ZNF320: variants seen among roughly 807,000 people sequenced by gnomAD.
ZNF320 encodes zinc finger gene 320.
A neutral mutation model predicts 6.8 loss-of-function variants in ZNF320; 2 were observed. The observed-to-expected ratio is 0.29, with a 90% CI of 0.12 to 0.93. The LOEUF (loss-of-function observed/expected upper bound fraction) is 0.93, where lower values mean the gene tolerates loss of function less well. ZNF320 is among the 40% of genes least tolerant of loss of function. ZNF320 has a pLI of 0.55. For missense variants in ZNF320, 472 were observed against 611.0 expected, an observed-to-expected ratio of 0.77 and a Z score of 2.40; for synonymous variants, 208 against 203.2, an observed-to-expected ratio of 1.02 and a Z score of -0.20.
At position 52,876,781 on chromosome 19, in the gene ZNF320, G is replaced by A. The variant is rs999061269; in HGVS notation, c.*3815C>T. The A allele has an allele frequency of 6.6e-6, 1 of 150,728 alleles. No homozygotes were observed. Among genetic ancestry groups the A allele is most frequent in the Non-Finnish European group, 1.5e-5 (1 of 67,806 alleles). The allele number at this position is 150,728 out of a possible 1,614,324, so 9.3% of individuals were successfully genotyped here. A position where few individuals can be genotyped will look rare whatever the true frequency, so the allele number is the denominator to read the frequency against. On this transcript the variant is annotated 3_prime_UTR_variant, in exon 6 of 6. Transcript: ENST00000682928. The stretch of plus-strand genomic sequence containing the variant: ...CAAAGTGCTGGGATTACAGGCATGA[G>A]CCAGAGCACCTGGTCTATTTTTTTT...
chr19:52,883,457 G>T (rs1460943007), intron 5 of ZNF320, among the ~76,000 whole-genome samples: 1 of 152,072 alleles, frequency 6.6e-6, no homozygotes, highest in East Asian at 1.9e-4. Context: ...AATTTATACT[G>T]CCTGCAGAAT....
In ZNF320 at chr19:52,881,304, T is replaced by C. The variant is rs1320559785; in HGVS notation, c.822A>G (p.Lys274=). The change falls in exon 6 of 6, where the codon AAA becomes AAG. Residue 274 remains lysine, a synonymous_variant. Coordinates refer to ENST00000682928, the MANE Select transcript of ZNF320 (RefSeq NM_001351774.2). ...CGAAGGTCTTGCCACACTCATTACA[T>C]TTGTAAGGTTTCTCTCCAGTATGCA... ...HRLHTGEKPY[K]CNECGKTFAR... The C allele has an allele frequency of 5.6e-6, 9 of 1,614,076 alleles. No homozygotes were observed. Among genetic ancestry groups the C allele is most frequent in the Non-Finnish European group, 7.6e-6 (9 of 1,179,992 alleles).
chr19:52,888,666 A>G (rs2064185005), intron 4 of ZNF320, among the ~76,000 whole-genome samples: 1 of 151,678 alleles, frequency 6.6e-6, no homozygotes, highest in Non-Finnish European at 1.5e-5. Context: ...AAATTACACA[A>G]AGCACAAAAA....
At chr19:52,860,415 A>G (rs1302066226), downstream of ZNF320, among the ~76,000 whole-genome samples, 1 of 152,032 alleles carries the variant, frequency 6.6e-6, no homozygotes, top group African/African-American at 2.4e-5. Context: ...TCTGGACAAC[A>G]TGGTGAAAGC....
At chr19:52,902,730 A>C in the ZNF320 span, among the ~76,000 whole-genome samples, 6 of 152,246 alleles carry the variant, frequency 3.9e-5, no homozygotes, top group African/African-American at 1.4e-4. Context: ...AATTTTAATG[A>C]AACTTTGTAG....
chr19:52,897,841 G>C (rs1025710971), upstream of ZNF320: 1 of 152,566 alleles, frequency 6.6e-6, no homozygotes, highest in Non-Finnish European at 1.5e-5. Context: ...GCCTGGCTGG[G>C]AGAAGAGTCC....
intron 5 of ZNF320, among the ~76,000 whole-genome samples, chr19:52,865,606 A>T (rs969129071): frequency 0.015 from 1,777 of 119,774 alleles, 53 homozygotes; most frequent in Non-Finnish European, 0.022. Flanking sequence ...TTTATATATG[A>T]GATTATACAT....
the ZNF320 span, among the ~76,000 whole-genome samples, chr19:52,902,939 TTTACAA>T: frequency 6.6e-6 from 1 of 152,222 alleles, no homozygotes; most frequent in Non-Finnish European, 1.5e-5. Flanking sequence ...CAGAATTTTC[TTTACAA>T]TTAATGTTTT....
chr19:52,890,048 C>A (rs1385780716), intron 4 of ZNF320, among the ~76,000 whole-genome samples, 193 bp downstream of exon 4: 1 of 152,148 alleles, frequency 6.6e-6, no homozygotes, highest in Non-Finnish European at 1.5e-5. Context: ...AGTGCAGCCT[C>A]TTCCCAACTT....
chr19:52,900,862 G>C (rs769025964), upstream of ZNF320, among the ~76,000 whole-genome samples: 3 of 151,562 alleles, frequency 2.0e-5, no homozygotes, highest in African/African-American at 7.3e-5. Flanking sequence ...AATGACATAA[G>C]ACTAGTATTG....
chr19:52,862,775 TCTC>T (rs2063493194), exon 6 of ZNF320: 2 of 369,872 alleles, frequency 5.4e-6, no homozygotes, highest in South Asian at 2.4e-5. Flanking sequence ...CAGTGTGAAT[TCTC>T]CTATGCATTG....
Position 52,880,840 on chromosome 19 carries a change from T to C in ZNF320, c.1286A>G (p.Glu429Gly), listed in dbSNP as rs372571551. Residue 429 changes from glutamate to glycine, a missense_variant, in exon 6 of 6, where the codon GAA becomes GGA. Around this residue, in one of 2 missense-constraint regions of ZNF320, gnomAD observed 462 missense variants for 559.7 expected, o/e 0.83. Transcript: ENST00000682928. ...TCCTGTATGAATCCTCCTATGTCTT[T>C]CAAGGTGTGATTTGCGAATGTAAAC... The part of the protein sequence containing the change: ...DKVYIRKSHL[E>G]RHRRIHTGEK... 17 of 1,613,866 alleles carry C rather than the reference T, an allele frequency of 1.1e-5. No homozygotes were observed. Among genetic ancestry groups the C allele is most frequent in the Non-Finnish European group, 1.4e-5 (16 of 1,179,864 alleles).
At chr19:52,872,659 G>A (rs2063700298), downstream of ZNF320, among the ~76,000 whole-genome samples, 1 of 152,228 alleles carries the variant, frequency 6.6e-6, no homozygotes, top group East Asian at 1.9e-4. Flanking sequence ...CCACCACCGG[G>A]CCCGGCTAAT....
In ZNF320 at chr19:52,883,707, G is replaced by A. The variant is rs1205025489; in HGVS notation, c.143-1724C>T. 14 of 410,302 alleles carry A rather than the reference G, an allele frequency of 3.4e-5. No individual in the cohort carries two copies. In the East Asian group the frequency reaches 1.1e-3, roughly 33 times the overall value. The allele number at this position is 410,302 out of a possible 1,614,324, so 25.4% of individuals were successfully genotyped here. A position where few individuals can be genotyped will look rare whatever the true frequency, so the allele number is the denominator to read the frequency against. ...GAGGTCAGGAGTTTGAGACCAGCCT[G>A]GAACAAATGGTAAAACCCCATCTCT... On this transcript the variant is annotated intron_variant, in intron 5 of 5. Transcript: ENST00000682928.
exon 6 of ZNF320, chr19:52,862,627 C>A: frequency 2.1e-6 from 1 of 484,284 alleles, no homozygotes. Flanking sequence ...GGTGAATAGG[C>A]GATGCCCTCA....
exon 6 of ZNF320, chr19:52,863,847 A>G (rs2063501662): frequency 9.1e-6 from 2 of 218,754 alleles, no homozygotes; most frequent in South Asian, 5.4e-5. Context: ...CCTGGCCAAC[A>G]TGGCAAAACC....
upstream of ZNF320, among the ~76,000 whole-genome samples, chr19:52,902,506 T>C (rs1275755941): frequency 6.6e-6 from 1 of 152,366 alleles, no homozygotes; most frequent in East Asian, 1.9e-4. Context: ...ATTTGCATCT[T>C]GGTATGCTGT....
At chr19:52,887,759 G>A (rs1386124993) in intron 5 of ZNF320, among the ~76,000 whole-genome samples, 1 of 152,020 alleles carries the variant, frequency 6.6e-6, no homozygotes, top group Non-Finnish European at 1.5e-5. Flanking sequence ...GCTAATTTTT[G>A]TATTTTTAGT....
chr19:52,865,429 A>T lies in ZNF320; in HGVS notation c.224-1270T>A, dbSNP rs576817081. Reference sequence around the variant, plus strand: ...GTATAAAGCGTTCTGTGCAGGGTCCAGGCTTTATATATATATATATATGTA... The same window carrying T: ...GTATAAAGCGTTCTGTGCAGGGTCCTGGCTTTATATATATATATATATGTA... On this transcript the variant is annotated intron_variant, in intron 5 of 5. Transcript: ENST00000673631. 1.5e-4 allele frequency: 26 copies of T among 173,616 alleles called. No individual in the cohort carries two copies. In the East Asian group the frequency reaches 2.1e-3, roughly 14 times the overall value. 10.8% of individuals were successfully genotyped at this position (173,616 alleles called of 1,614,324 possible).
Sources: gnomAD v4.1 joint callset for allele counts (sites outside exome capture counted in the v4.1 genomes callset) on GRCh38, gnomAD v4.1.1 for gene constraint, gnomAD v4.1.1 regional missense constraint, MANE v1.5 for transcripts, NCBI Gene and HGNC (gene_info 2026-07-23, HGNC 2026-07-21) for gene names.